The following FYN variants were observed in gnomAD, a reference collection of about 807,000 sequenced individuals.
The protein encoded by FYN is tyrosine-protein kinase Fyn.
Under a neutral mutation model 70.2 loss-of-function variants are expected in FYN, and 10 were observed. The observed-to-expected ratio is 0.14, with a 90% CI of 0.09 to 0.24. The LOEUF (loss-of-function observed/expected upper bound fraction) is 0.24. FYN is among the 10% of genes least tolerant of loss of function. FYN has a pLI of 1.00. For synonymous variants in FYN, 236 were observed against 248.6 expected, an observed-to-expected ratio of 0.95 and a Z score of 0.48; for missense variants, 319 against 673.1, an observed-to-expected ratio of 0.47 and a Z score of 5.82.
chr6:111,693,377 A>C (rs546854459), intron 12 of FYN, among the ~76,000 whole-genome samples: 1 of 152,106 alleles, frequency 6.6e-6, no homozygotes, highest in Non-Finnish European at 1.5e-5. Flanking sequence ...ACCAACAATG[A>C]AAGTTCCCCC....
chr6:111,845,277 C>T (rs2114474379), intron 2 of FYN, among the ~76,000 whole-genome samples: 1 of 152,244 alleles, frequency 6.6e-6, no homozygotes, highest in African/African-American at 2.4e-5. Context: ...TGGCCTAGTC[C>T]AGAAGGGTCA....
At chr6:111,866,632 G>T (rs1243456605) in intron 1 of FYN, among the ~76,000 whole-genome samples, 3 of 152,218 alleles carry the variant, frequency 2.0e-5, no homozygotes, top group African/African-American at 7.2e-5. Context: ...GTGAGCCCCC[G>T]TGCCCGGCCC....
chr6:111,710,420 C>T (rs1800314163), intron 5 of FYN, among the ~76,000 whole-genome samples: 1 of 152,142 alleles, frequency 6.6e-6, no homozygotes, highest in Non-Finnish European at 1.5e-5. Flanking sequence ...GTCTAGGTAC[C>T]TAAATAGTGT....
intron 5 of FYN, among the ~76,000 whole-genome samples, chr6:111,709,860 A>G (rs1338140813): frequency 6.6e-6 from 1 of 152,204 alleles, no homozygotes. Flanking sequence ...GGTTCAAATC[A>G]TGACATTAAA....
intron 3 of FYN, among the ~76,000 whole-genome samples, chr6:111,753,200 G>A (rs543502642): frequency 1.1e-3 from 172 of 152,328 alleles, no homozygotes; most frequent in African/African-American, 3.9e-3. Flanking sequence ...CTCCATACAG[G>A]ATGCTTTCAT....
chr6:111,864,807 G>C (rs1774060844), intron 1 of FYN, among the ~76,000 whole-genome samples: 1 of 152,206 alleles, frequency 6.6e-6, no homozygotes, highest in South Asian at 2.1e-4. Context: ...CAGTCACACA[G>C]ACCTGGCTTC....
chr6:111,760,623 C>T (rs1802965116), intron 3 of FYN, among the ~76,000 whole-genome samples: 1 of 152,250 alleles, frequency 6.6e-6, no homozygotes, highest in Admixed American at 6.5e-5. Flanking sequence ...CTGCAGCGCG[C>T]TCCTCACACA....
chr6:111,792,743 C>T (rs937917498), intron 2 of FYN, among the ~76,000 whole-genome samples: 2 of 152,142 alleles, frequency 1.3e-5, no homozygotes, highest in Admixed American at 1.3e-4. Context: ...CCTAGTCTTG[C>T]GGCAGCTTGA....
chr6:111,845,741 A>G (rs996690265), intron 2 of FYN, among the ~76,000 whole-genome samples: 3 of 152,190 alleles, frequency 2.0e-5, no homozygotes, highest in African/African-American at 7.2e-5. Context: ...GTTACACCCA[A>G]GGCAATGTGG....
chr6:111,731,373 T>G (rs1032920956), intron 3 of FYN, among the ~76,000 whole-genome samples: 1 of 152,266 alleles, frequency 6.6e-6, no homozygotes, highest in Non-Finnish European at 1.5e-5. Flanking sequence ...GTGGTCTCCA[T>G]GTCTCCCATT....
chr6:111,867,077 G>A (rs774217801), intron 1 of FYN, among the ~76,000 whole-genome samples: 6 of 152,168 alleles, frequency 3.9e-5, no homozygotes, highest in Non-Finnish European at 8.8e-5. Flanking sequence ...CTTGCTCTCT[G>A]CCCTTTCTGC....
chr6:111,746,164 T>C (rs921040604), intron 3 of FYN, among the ~76,000 whole-genome samples: 2 of 152,092 alleles, frequency 1.3e-5, no homozygotes, highest in African/African-American at 4.8e-5. Flanking sequence ...TTCCCTCTTC[T>C]TTTTTTTAAA....
At chr6:111,787,566 G>A (rs1401344529) in intron 2 of FYN, among the ~76,000 whole-genome samples, 9 of 152,210 alleles carry the variant, frequency 5.9e-5, no homozygotes, top group Admixed American at 5.9e-4. Flanking sequence ...CAACTGACCA[G>A]TTCAAAAATC....
intron 3 of FYN, among the ~76,000 whole-genome samples, chr6:111,776,757 T>A (rs1475525422): frequency 2.6e-5 from 4 of 152,126 alleles, no homozygotes; most frequent in Admixed American, 2.0e-4. Context: ...TATAATTAGG[T>A]AAAGTCTTTT....
At chr6:111,730,370 A>T (rs1801392615) in intron 3 of FYN, among the ~76,000 whole-genome samples, 1 of 152,114 alleles carries the variant, frequency 6.6e-6, no homozygotes, top group African/African-American at 2.4e-5. Context: ...CACACATCCT[A>T]GGTACTTGGG....
In FYN at chr6:111,806,470, T is replaced by C. The variant is rs575373731; in HGVS notation, c.-81-25835A>G. The stretch of plus-strand genomic sequence containing the variant: ...GGTCCAAGATGACCCTTCACCTTCA[T>C]GCCCACAACCCATCAGCTAACAGCA... On this transcript the variant is annotated intron_variant, in intron 2 of 13. Transcript: ENST00000354650. Among the ~76,000 whole-genome samples, 6 of 152,308 alleles carry C rather than the reference T, an allele frequency of 3.9e-5. No individual in the cohort carries two copies. The South Asian group carries it at 1.0e-3, about 26-fold the overall frequency.
chr6:111,805,883 G>C (rs777879660), intron 2 of FYN, among the ~76,000 whole-genome samples: 4 of 152,208 alleles, frequency 2.6e-5, no homozygotes, highest in African/African-American at 4.8e-5. Context: ...CAGAGGGGTG[G>C]GGGAAGCTGG....
At chr6:111,829,226 T>C (rs970402459) in intron 2 of FYN, among the ~76,000 whole-genome samples, 18 of 152,206 alleles carry the variant, frequency 1.2e-4, no homozygotes, top group Non-Finnish European at 8.8e-5. Context: ...CATCCTCTCA[T>C]AGAGGAGAAT....
At chr6:111,741,101 A>G (rs79137635) in intron 3 of FYN, 3 of 124,498 alleles carry the variant, frequency 2.4e-5, no homozygotes, top group Admixed American at 7.7e-5. Context: ...ACCCTGTCTC[A>G]AAAAAAAAAA....
Sources: allele counts gnomAD v4.1 joint callset (sites outside exome capture counted in the v4.1 genomes callset), GRCh38; gene constraint gnomAD v4.1.1; transcripts MANE v1.5; gene names NCBI Gene and HGNC (gene_info 2026-07-23, HGNC 2026-07-21).